The following CHL1 variants were observed in gnomAD, a reference collection of about 807,000 sequenced individuals.
CHL1 encodes the protein neural cell adhesion molecule L1-like protein.
In CHL1, 96 loss-of-function variants were observed where a neutral mutation model predicts 141.9. The observed-to-expected ratio is 0.68, with a 90% CI of 0.57 to 0.80. The LOEUF (loss-of-function observed/expected upper bound fraction) is 0.80. CHL1 is among the 30% of genes least tolerant of loss of function. CHL1 has a pLI of 0.00. For synonymous variants in CHL1, 613 were observed against 502.2 expected, an observed-to-expected ratio of 1.22 and a Z score of -2.95; for missense variants, 1,820 against 1,457.2, an observed-to-expected ratio of 1.25 and a Z score of -4.05.
intron 2 of CHL1, among the ~76,000 whole-genome samples, chr3:262,010 G>C (rs1268216515): frequency 1.2e-5 from 1 of 82,718 alleles, no homozygotes; most frequent in East Asian, 4.7e-4. Flanking sequence ...GGATTCACAC[G>C]TTTAAGCCTA....
chr3:257,572 C>G (rs1694295623), intron 2 of CHL1, among the ~76,000 whole-genome samples: 1 of 152,060 alleles, frequency 6.6e-6, no homozygotes, highest in Non-Finnish European at 1.5e-5. Flanking sequence ...AGGCTGGTCT[C>G]AAATTCCTAA....
intron 1 of CHL1, among the ~76,000 whole-genome samples, chr3:242,612 ATAAAAT>A (rs1692765440): frequency 2.6e-5 from 1 of 38,694 alleles, no homozygotes; most frequent in Non-Finnish European, 7.4e-5. Context: ...AATAAATAAA[ATAAAAT>A]AAAATAAAAT....
chr3:311,846 C>A (rs1041469834), intron 2 of CHL1, among the ~76,000 whole-genome samples: 1 of 152,112 alleles, frequency 6.6e-6, no homozygotes, highest in Non-Finnish European at 1.5e-5. Flanking sequence ...AGGAATTTCA[C>A]AGCTATATAA....
chr3:234,263 T>C (rs1289721918), intron 1 of CHL1, among the ~76,000 whole-genome samples: 4 of 151,616 alleles, frequency 2.6e-5, no homozygotes, highest in African/African-American at 9.7e-5. Flanking sequence ...ATATCTAGAG[T>C]GAGAATTTGT....
At chr3:367,355 G>T (rs1450028703) in intron 15 of CHL1, among the ~76,000 whole-genome samples, 1 of 152,152 alleles carries the variant, frequency 6.6e-6, no homozygotes, top group East Asian at 1.9e-4. Flanking sequence ...CACTGCCATG[G>T]GTAAGATCAT....
At chr3:371,590 A>G (rs1705643395) in intron 15 of CHL1, among the ~76,000 whole-genome samples, 1 of 152,074 alleles carries the variant, frequency 6.6e-6, no homozygotes, top group Non-Finnish European at 1.5e-5. Context: ...TAATTTGGCT[A>G]CTCAGTGCAT....
At chr3:393,099 G>A (rs1708371812) in intron 23 of CHL1, among the ~76,000 whole-genome samples, 1 of 152,168 alleles carries the variant, frequency 6.6e-6, no homozygotes, top group East Asian at 1.9e-4. Flanking sequence ...CAGGCGTGGT[G>A]GTGGGCCCCT....
At chr3:255,500 T>A (rs940050040) in intron 2 of CHL1, among the ~76,000 whole-genome samples, 1 of 66,160 alleles carries the variant, frequency 1.5e-5, no homozygotes, top group Non-Finnish European at 3.1e-5. Flanking sequence ...TGTCTTTGTA[T>A]GTGTGTGTGT....
At chr3:221,771 A>G (rs949930791) in intron 1 of CHL1, among the ~76,000 whole-genome samples, 1 of 152,374 alleles carries the variant, frequency 6.6e-6, no homozygotes, top group East Asian at 1.9e-4. Context: ...TCATTAATTT[A>G]GTATTAAGTT....
At chr3:277,657 T>C (rs1696266976) in intron 2 of CHL1, among the ~76,000 whole-genome samples, 1 of 152,256 alleles carries the variant, frequency 6.6e-6, no homozygotes, top group Non-Finnish European at 1.5e-5. Context: ...CGTGTCATTT[T>C]TATATTGCGA....
chr3:393,258 T>G (rs1483501407), intron 23 of CHL1, among the ~76,000 whole-genome samples: 1 of 135,744 alleles, frequency 7.4e-6, no homozygotes, highest in African/African-American at 2.6e-5. Context: ...GTGTTAAGAA[T>G]GCAAAGCAAG....
intron 27 of CHL1, among the ~76,000 whole-genome samples, chr3:404,433 G>C (rs141194637): frequency 4.2e-4 from 64 of 152,134 alleles, no homozygotes; most frequent in African/African-American, 1.4e-3. Context: ...ATGGTGTATA[G>C]CTTCATAATG....
In CHL1 at chr3:273,421, C is replaced by T. The variant is rs1027825362; in HGVS notation, c.-95+28729C>T. The stretch of plus-strand genomic sequence containing the variant: ...CACAAGCTCTTAAGCTCTTTAATTC[C>T]ATAAAGACAATTATCACTCCTAGAC... On this transcript the variant is annotated intron_variant, in intron 2 of 27. Transcript: ENST00000256509. Among the ~76,000 whole-genome samples, 3 of 152,092 alleles carry T rather than the reference C, an allele frequency of 2.0e-5. 1 individual carries two copies. The highest frequency in any genetic ancestry group is 7.2e-5 in the African/African-American group (3 of 41,404).
At chr3:216,981 A>G (rs1700375634) in intron 1 of CHL1, among the ~76,000 whole-genome samples, 1 of 152,148 alleles carries the variant, frequency 6.6e-6, no homozygotes, top group African/African-American at 2.4e-5. Flanking sequence ...CATTTCAGCA[A>G]CCTTTTGTGC....
At chr3:215,222 G>A (rs373591776) in intron 1 of CHL1, among the ~76,000 whole-genome samples, 2 of 152,122 alleles carry the variant, frequency 1.3e-5, no homozygotes, top group African/African-American at 4.8e-5. Flanking sequence ...CAATTGAATA[G>A]TACTCAGCCA....
intron 2 of CHL1, among the ~76,000 whole-genome samples, chr3:257,367 T>G (rs1033941920): frequency 6.6e-6 from 1 of 150,870 alleles, no homozygotes; most frequent in African/African-American, 2.4e-5. Context: ...TTTTTTTTTT[T>G]TTGTGAGACA....
intron 15 of CHL1, among the ~76,000 whole-genome samples, chr3:374,422 C>G (rs1250453139): frequency 1.3e-5 from 2 of 152,156 alleles, no homozygotes; most frequent in Non-Finnish European, 2.9e-5. Flanking sequence ...TATCCGGGGT[C>G]TTCCATGTGA....
chr3:215,632 T>G (rs1700254459), intron 1 of CHL1, among the ~76,000 whole-genome samples: 1 of 152,198 alleles, frequency 6.6e-6, no homozygotes, highest in Admixed American at 6.5e-5. Context: ...CCAATCATTA[T>G]GATGTACTCC....
intron 2 of CHL1, among the ~76,000 whole-genome samples, chr3:250,391 A>T (rs1485392989): frequency 1.3e-5 from 2 of 152,162 alleles, no homozygotes; most frequent in Non-Finnish European, 2.9e-5. Context: ...GACAAGACAA[A>T]GGAAAAGAGA....
Sources: gnomAD v4.1 joint callset for allele counts (sites outside exome capture counted in the v4.1 genomes callset) on GRCh38, gnomAD v4.1.1 for gene constraint, MANE v1.5 for transcripts, NCBI Gene and HGNC (gene_info 2026-07-23, HGNC 2026-07-21) for gene names.